UCHL5: variants seen among roughly 807,000 people sequenced by gnomAD.
The protein encoded by UCHL5 is ubiquitin carboxyl-terminal hydrolase isozyme L5.
A neutral mutation model predicts 53.8 loss-of-function variants in UCHL5; 34 were observed. The observed-to-expected ratio is 0.63, with a 90% CI of 0.48 to 0.84. UCHL5 has a LOEUF of 0.84. UCHL5 is among the 40% of genes least tolerant of loss of function. The probability of loss-of-function intolerance (pLI) is 0.00; values close to 1 mark genes in which losing one functional copy is unlikely to be tolerated. For missense variants in UCHL5, 290 were observed against 385.6 expected (o/e 0.75, Z 2.08); for synonymous variants, 111 against 126.3 (o/e 0.88, Z 0.81).
At chr1:193,021,021 G>T in intron 10 of UCHL5, 76 bp downstream of exon 10, 3 of 1,171,756 alleles carry the variant, frequency 2.6e-6, no homozygotes, top group African/African-American at 1.6e-5. Flanking sequence ...CTCTATTCAA[G>T]CAAAAAATAA....
At position 193,051,790 on chromosome 1, in the gene UCHL5, AT is replaced by A; in HGVS notation, c.103del (p.Ile35TyrfsTer4). The part of the protein sequence containing the change: ...FGCRGAQVEE[I>X]WSLEPENFEK... Reference sequence around the variant, plus strand: ...AAAATTCTCAGGCTCTAAACTCCATATTTCTTCTACTTGGGCTCCTCGGCAA... The same window carrying A: ...AAAATTCTCAGGCTCTAAACTCCATATTCTTCTACTTGGGCTCCTCGGCAA... On this transcript the variant is annotated frameshift_variant, in exon 2 of 11. Coordinates refer to ENST00000367454, the MANE Select transcript of UCHL5 (RefSeq NM_001199261.3). LOFTEE classifies it high-confidence loss of function. 6.2e-7 allele frequency: 1 copy of A among 1,601,144 alleles called. No homozygotes were observed.
chr1:193,031,522 T>G (rs1661392176), intron 3 of UCHL5, among the ~76,000 whole-genome samples: 1 of 152,162 alleles, frequency 6.6e-6, no homozygotes, highest in South Asian at 2.1e-4. Flanking sequence ...TATGTGTCTG[T>G]GAGAAGAAAA....
intron 10 of UCHL5, 138 bp from the exon 11 acceptor site, chr1:193,016,533 T>C (rs1654951926): frequency 2.8e-6 from 2 of 717,714 alleles, no homozygotes; most frequent in Admixed American, 3.8e-5. Flanking sequence ...AGCATTATGT[T>C]TTATAACTTG....
intron 3 of UCHL5, among the ~76,000 whole-genome samples, chr1:193,047,641 G>T (rs1667771169): frequency 6.6e-6 from 1 of 151,992 alleles, no homozygotes; most frequent in African/African-American, 2.4e-5. Context: ...CAAGTTTTTG[G>T]GTCTCAGAAA....
At chr1:193,020,441 C>T (rs1656557048) in intron 10 of UCHL5, 1 of 1,541,998 alleles carries the variant, frequency 6.5e-7, no homozygotes, top group Non-Finnish European at 8.8e-7. Context: ...AGAATCCTTC[C>T]CCTATATCAG....
rs764228711 is a variant in UCHL5, at chr1:193,028,156, G to T, written c.566-8C>A. 6.3e-7 allele frequency: 1 copy of T among 1,580,674 alleles called. No individual in the cohort carries two copies. Among genetic ancestry groups the T allele is most frequent in the Non-Finnish European group, 8.6e-7 (1 of 1,166,848 alleles). ...CATCTTGATTGCATGCACCTAGAAA[G>T]AAATTTTAAAACAGTTAACACAAAT... is the stretch of plus-strand genomic sequence containing the variant. On this transcript the variant is annotated splice_polypyrimidine_tract_variant and splice_region_variant and intron_variant, in intron 6 of 10. Transcript: ENST00000367454.
intron 3 of UCHL5, among the ~76,000 whole-genome samples, chr1:193,042,958 T>C (rs78569844): frequency 0.01 from 1,522 of 152,040 alleles, 28 homozygotes; most frequent in African/African-American, 0.034. Flanking sequence ...GAGACAAGCA[T>C]ACATGTGACA....
chr1:193,048,297 G>A (rs1045153720), intron 3 of UCHL5, among the ~76,000 whole-genome samples: 1 of 152,146 alleles, frequency 6.6e-6, no homozygotes, highest in Admixed American at 6.5e-5. Context: ...ATTTTCAAGT[G>A]AAAATTTAAA....
chr1:193,045,474 T>C (rs1667051555), intron 3 of UCHL5, among the ~76,000 whole-genome samples: 2 of 152,222 alleles, frequency 1.3e-5, no homozygotes, highest in Admixed American at 1.3e-4. Context: ...CCCCACTCTC[T>C]CTTTCTCTCT....
chr1:193,018,612 G>C, intron 10 of UCHL5: 4 of 1,247,542 alleles, frequency 3.2e-6, no homozygotes, highest in Non-Finnish European at 4.0e-6. Context: ...TGCCGAGGGA[G>C]AATCACTTTT....
chr1:193,054,259 G>A (rs1006915560), intron 1 of UCHL5, among the ~76,000 whole-genome samples: 2 of 152,282 alleles, frequency 1.3e-5, no homozygotes, highest in African/African-American at 2.4e-5. Flanking sequence ...AAACACTCGT[G>A]GAGTTCTCCC....
chr1:193,021,499 C>T (rs1045873047), intron 9 of UCHL5, among the ~76,000 whole-genome samples: 1 of 152,318 alleles, frequency 6.6e-6, no homozygotes, highest in East Asian at 1.9e-4. Context: ...GCTAAATTAA[C>T]ATTTGCTACT....
chr1:193,046,796 ATG>A (rs1667480424), intron 3 of UCHL5, among the ~76,000 whole-genome samples: 1 of 150,798 alleles, frequency 6.6e-6, no homozygotes, highest in African/African-American at 2.4e-5. Context: ...AATATTTATT[ATG>A]TGTTGTGAAA....
chr1:193,018,699 G>A, intron 10 of UCHL5: 13 of 1,348,314 alleles, frequency 9.6e-6, no homozygotes, highest in Non-Finnish European at 1.2e-5. Flanking sequence ...AACTGCCTCA[G>A]CTATTCAAAA....
Position 193,023,032 on chromosome 1 carries a change from G to C in UCHL5, c.737C>G (p.Pro246Arg). ...ACTATTACCTTGATCTGTATCCATGGGTTCCTCCTTGGGGGAAGGAAAAGA... is the reference window on the plus strand; with the variant it reads ...ACTATTACCTTGATCTGTATCCATGCGTTCCTCCTTGGGGGAAGGAAAAGA... ...AELQRQLAEE[P>R]MDTDQGNSML... is the part of the protein sequence containing the mutation. The change falls in exon 9 of 11, where the codon CCC (proline) becomes CGC (arginine). Residue 246 changes from proline to arginine, a missense_variant. Transcript: ENST00000367454. 1 of 1,609,532 alleles carries C rather than the reference G, an allele frequency of 6.2e-7. No individual in the cohort carries two copies. The highest frequency in any genetic ancestry group is 8.5e-7 in the Non-Finnish European group (1 of 1,177,438).
At chr1:193,027,766 T>C (rs888813089) in intron 7 of UCHL5, 12 of 472,370 alleles carry the variant, frequency 2.5e-5, no homozygotes, top group Non-Finnish European at 4.5e-5. Context: ...CAAGATGACA[T>C]ACTACTACAT....
At chr1:193,044,169 A>G (rs1360083593) in intron 3 of UCHL5, among the ~76,000 whole-genome samples, 2 of 152,214 alleles carry the variant, frequency 1.3e-5, no homozygotes, top group Non-Finnish European at 2.9e-5. Flanking sequence ...CACTCCATTC[A>G]GCACTTATCA....
chr1:193,023,090 C>G, intron 8 of UCHL5, 54 bp from the exon 9 acceptor site: 1 of 1,281,206 alleles, frequency 7.8e-7, no homozygotes, highest in Non-Finnish European at 1.1e-6. Flanking sequence ...GGCTTACATT[C>G]AGAATATTTT....
At chr1:193,032,017 T>C (rs573043531) in intron 3 of UCHL5, among the ~76,000 whole-genome samples, 6 of 152,294 alleles carry the variant, frequency 3.9e-5, no homozygotes, top group Admixed American at 2.6e-4. Context: ...CTTAAGAGTT[T>C]GGTTTGAATT....
Sources: gnomAD v4.1 joint callset for allele counts (sites outside exome capture counted in the v4.1 genomes callset) on GRCh38, gnomAD v4.1.1 for gene constraint, MANE v1.5 for transcripts, NCBI Gene and HGNC (gene_info 2026-07-23, HGNC 2026-07-21) for gene names.